Variants in GUCY1A2 observed in about 807,000 individuals in gnomAD.
The protein encoded by GUCY1A2 is guanylate cyclase soluble subunit alpha-2.
GUCY1A2 carries 27 observed loss-of-function variants against 63.5 expected under a neutral mutation model. The observed-to-expected ratio is 0.43, with a 90% CI of 0.31 to 0.59. GUCY1A2 has a LOEUF of 0.59. Among genes scored for constraint, GUCY1A2 ranks in the 20% least tolerant of loss-of-function variants. The probability of loss-of-function intolerance (pLI) is 0.11; values close to 1 mark genes in which losing one functional copy is unlikely to be tolerated. For synonymous variants in GUCY1A2, 364 were observed against 343.5 expected (o/e 1.06, Z -0.66); for missense variants, 768 against 913.3 (o/e 0.84, Z 2.05).
intron 6 of GUCY1A2, among the ~76,000 whole-genome samples, chr11:106,719,821 T>C (rs1024370651): frequency 1.4e-4 from 21 of 152,358 alleles, no homozygotes; most frequent in African/African-American, 4.6e-4. Flanking sequence ...GGTTGAAATC[T>C]ATGAGTGTAC....
chr11:106,793,770 T>A (rs1157312221), intron 5 of GUCY1A2, among the ~76,000 whole-genome samples: 1 of 151,918 alleles, frequency 6.6e-6, no homozygotes, highest in Non-Finnish European at 1.5e-5. Context: ...TTAGTAATCA[T>A]AAGGGAAGTA....
chr11:106,883,590 C>T (rs938387971), intron 4 of GUCY1A2, among the ~76,000 whole-genome samples: 5 of 152,130 alleles, frequency 3.3e-5, no homozygotes, highest in Admixed American at 3.3e-4. Flanking sequence ...TAAGGCTTCT[C>T]TGAACAAATG....
intron 4 of GUCY1A2, among the ~76,000 whole-genome samples, 182 bp downstream of exon 4, chr11:106,939,278 C>T (rs55927317): frequency 0.032 from 4,920 of 152,260 alleles, 260 homozygotes; most frequent in African/African-American, 0.11. Flanking sequence ...GAGGCAGACA[C>T]TATGCAAAAT....
intron 4 of GUCY1A2, among the ~76,000 whole-genome samples, chr11:106,825,118 G>A (rs1427508193): frequency 6.6e-6 from 1 of 152,046 alleles, no homozygotes; most frequent in African/African-American, 2.4e-5. Context: ...TTTTGAGAAT[G>A]TTTGAAAATT....
chr11:106,709,450 TTCTATATTTATAGAATAA>T (rs1863003721), intron 6 of GUCY1A2, among the ~76,000 whole-genome samples: 1 of 97,206 alleles, frequency 1.0e-5, no homozygotes, highest in Non-Finnish European at 1.8e-5. Flanking sequence ...ATAATATATA[TTCTATATTTATAGAATAA>T]TATATATTAT....
intron 4 of GUCY1A2, among the ~76,000 whole-genome samples, chr11:106,901,565 A>G (rs1375410023): frequency 1.3e-5 from 2 of 152,110 alleles, no homozygotes; most frequent in Non-Finnish European, 2.9e-5. Flanking sequence ...ACATATGTAT[A>G]CATATGCCAT....
In GUCY1A2 at chr11:107,017,942, G is replaced by A. The variant is rs770741114; in HGVS notation, c.114C>T (p.Gly38=). ...ECPLSRLCWN[G]SRSPPGPLEP... ...CCAGCGGCCCGGGCGGGCTCCGGCT[G>A]CCATTCCAGCAGAGCCTAGACAGGG... Residue 38 remains glycine, a synonymous_variant, in exon 1 of 8, where the codon GGC becomes GGT. Transcript: ENST00000526355. The A allele has an allele frequency of 2.9e-6, 4 of 1,359,360 alleles. No individual in the cohort carries two copies. Among genetic ancestry groups the A allele is most frequent in the Middle Eastern group, 2.1e-4 (1 of 4,804 alleles). The allele number at this position is 1,359,360 out of a possible 1,614,324, so 84.2% of individuals were successfully genotyped here.
chr11:106,924,879 C>T (rs1301560819), intron 4 of GUCY1A2, among the ~76,000 whole-genome samples: 1 of 151,950 alleles, frequency 6.6e-6, no homozygotes, highest in Admixed American at 6.6e-5. Context: ...GTGGTGCGTA[C>T]CTGTAGTTGC....
At chr11:106,984,981 A>G (rs1361440245) in intron 2 of GUCY1A2, among the ~76,000 whole-genome samples, 2 of 152,212 alleles carry the variant, frequency 1.3e-5, no homozygotes, top group East Asian at 3.9e-4. Flanking sequence ...AATGACAATT[A>G]ACATAATCAT....
chr11:106,946,054 A>T (rs1860823791), intron 3 of GUCY1A2, among the ~76,000 whole-genome samples: 1 of 152,228 alleles, frequency 6.6e-6, no homozygotes, highest in Non-Finnish European at 1.5e-5. Context: ...CATATTCTGA[A>T]ACTAAACAAT....
At chr11:106,689,743 C>A (rs1862589226) in intron 7 of GUCY1A2, among the ~76,000 whole-genome samples, 1 of 152,160 alleles carries the variant, frequency 6.6e-6, no homozygotes, top group African/African-American at 2.4e-5. Context: ...GTAATCCCAG[C>A]ACTTTGGGAG....
chr11:106,804,906 C>T (rs1858660169), intron 5 of GUCY1A2, among the ~76,000 whole-genome samples: 2 of 152,118 alleles, frequency 1.3e-5, no homozygotes, highest in Admixed American at 1.3e-4. Context: ...CATCTAGTCC[C>T]CTTGGGCCCA....
At chr11:106,863,355 A>C (rs1290874243) in intron 4 of GUCY1A2, among the ~76,000 whole-genome samples, 1 of 152,162 alleles carries the variant, frequency 6.6e-6, no homozygotes, top group African/African-American at 2.4e-5. Context: ...TTTTCTGCAT[A>C]TAACTAGCCA....
chr11:106,786,084 G>A (rs1864551187), intron 5 of GUCY1A2, among the ~76,000 whole-genome samples: 1 of 152,112 alleles, frequency 6.6e-6, no homozygotes, highest in South Asian at 2.1e-4. Context: ...CACACATGCT[G>A]AGAATCTGGC....
intron 3 of GUCY1A2, among the ~76,000 whole-genome samples, chr11:106,975,531 T>A (rs991625061): frequency 1.2e-4 from 19 of 152,298 alleles, no homozygotes; most frequent in Non-Finnish European, 2.1e-4. Flanking sequence ...CACTGTCTAC[T>A]ATCTTTCTTT....
intron 6 of GUCY1A2, among the ~76,000 whole-genome samples, chr11:106,773,415 TTATC>T (rs1266851315): frequency 5.3e-5 from 8 of 152,220 alleles, no homozygotes; most frequent in African/African-American, 1.9e-4. Context: ...ATAACACAGT[TTATC>T]TATCCTACTG....
At chr11:106,719,412 C>T (rs998337039) in intron 6 of GUCY1A2, among the ~76,000 whole-genome samples, 2 of 151,980 alleles carry the variant, frequency 1.3e-5, no homozygotes, top group Non-Finnish European at 2.9e-5. Context: ...AAAGGAGTCT[C>T]ATAGTATTAC....
intron 6 of GUCY1A2, among the ~76,000 whole-genome samples, chr11:106,751,168 T>C (rs1022906891): frequency 6.6e-6 from 1 of 152,102 alleles, no homozygotes; most frequent in Non-Finnish European, 1.5e-5. Flanking sequence ...AGGTTGATAA[T>C]GTTAAATCTA....
rs186056276 is a variant in GUCY1A2, at chr11:106,995,008, G to A, written c.304-8877C>T. On this transcript the variant is annotated intron_variant, in intron 1 of 7. Transcript: ENST00000526355. ...TTGGTTCAGTGTGAATGAAAATACCGATGATAAGACAAGATGGCACTGCTC... is the reference window on the plus strand; with the variant it reads ...TTGGTTCAGTGTGAATGAAAATACCAATGATAAGACAAGATGGCACTGCTC... 4.0e-3 allele frequency among the ~76,000 whole-genome samples: 579 copies of A among 145,922 alleles called. 2 individuals are homozygous for A. Among genetic ancestry groups the A allele is most frequent in the Middle Eastern group, 0.011 (3 of 284 alleles).
Sources: gnomAD v4.1 joint callset for allele counts (sites outside exome capture counted in the v4.1 genomes callset) on GRCh38, gnomAD v4.1.1 for gene constraint, MANE v1.5 for transcripts, NCBI Gene and HGNC (gene_info 2026-07-23, HGNC 2026-07-21) for gene names.